Variants in PROS1 observed in about 807,000 individuals in gnomAD.
PROS1 encodes the protein protein S.
Under a neutral mutation model 75.9 loss-of-function variants are expected in PROS1, and 29 were observed. The ratio of observed to expected loss-of-function variants is 0.38; its 90% CI spans 0.28 to 0.52. The LOEUF (loss-of-function observed/expected upper bound fraction) is 0.52, where lower values mean the gene tolerates loss of function less well. PROS1 is among the 20% of genes least tolerant of loss of function. PROS1 has a pLI of 0.83. For missense variants in PROS1, 680 were observed against 810.3 expected, an observed-to-expected ratio of 0.84 and a Z score of 1.95; for synonymous variants, 245 against 280.6, an observed-to-expected ratio of 0.87 and a Z score of 1.27.
At chr3:93,915,742 A>ATT (rs1262108551) in intron 3 of PROS1, among the ~76,000 whole-genome samples, 1 of 152,122 alleles carries the variant, frequency 6.6e-6, no homozygotes, top group Non-Finnish European at 1.5e-5. Flanking sequence ...ACACTTAAGT[A>ATT]ATCTCTAAGA....
intron 6 of PROS1, among the ~76,000 whole-genome samples, chr3:93,903,474 G>A (rs1708627935): frequency 6.6e-6 from 1 of 152,012 alleles, no homozygotes; most frequent in Admixed American, 6.6e-5. Context: ...GACCAGCCTG[G>A]ACAGTATGAC....
intron 3 of PROS1, among the ~76,000 whole-genome samples, chr3:93,919,419 AT>A (rs62749160): frequency 7.1e-4 from 102 of 143,740 alleles, no homozygotes; most frequent in Middle Eastern, 7.5e-3. Context: ...AATTTTCCCT[AT>A]TTTTTTTTTT....
intron 6 of PROS1, among the ~76,000 whole-genome samples, chr3:93,903,755 A>G (rs1406832737): frequency 1.3e-5 from 2 of 152,206 alleles, no homozygotes; most frequent in Admixed American, 1.3e-4. Context: ...TTTGTTTACA[A>G]AATGCATATG....
chr3:93,880,642 T>C (rs546713742), intron 12 of PROS1, among the ~76,000 whole-genome samples: 31 of 152,332 alleles, frequency 2.0e-4, no homozygotes, highest in Non-Finnish European at 3.2e-4. Context: ...ATCAGGGTAA[T>C]TGGAATTTCT....
chr3:93,892,712 C>T (rs896115960), intron 10 of PROS1, among the ~76,000 whole-genome samples: 3 of 151,702 alleles, frequency 2.0e-5, no homozygotes, highest in Admixed American at 6.6e-5. Context: ...AAGTTAAAGA[C>T]AGAGTAGTTC....
At chr3:93,911,869 G>A (rs540129312) in intron 3 of PROS1, among the ~76,000 whole-genome samples, 1 of 152,240 alleles carries the variant, frequency 6.6e-6, no homozygotes, top group East Asian at 1.9e-4. Flanking sequence ...GGGTGTGGGT[G>A]GGGGATTTAT....
chr3:93,970,016 C>T (rs766789628), intron 1 of PROS1, among the ~76,000 whole-genome samples: 1 of 152,198 alleles, frequency 6.6e-6, no homozygotes, highest in Non-Finnish European at 1.5e-5. Flanking sequence ...TTGTTTCTAA[C>T]TCTTCCAGCA....
chr3:93,944,272 A>C (rs1709342656), intron 1 of PROS1, among the ~76,000 whole-genome samples: 1 of 152,214 alleles, frequency 6.6e-6, no homozygotes, highest in African/African-American at 2.4e-5. Context: ...ATGAAAACAC[A>C]ACGAAAAAAT....
intron 1 of PROS1, among the ~76,000 whole-genome samples, chr3:93,933,339 C>T (rs1709134045): frequency 6.6e-6 from 1 of 152,098 alleles, no homozygotes; most frequent in African/African-American, 2.4e-5. Flanking sequence ...CATTGGGAGG[C>T]TGAGGTGGGA....
At position 93,873,850 on chromosome 3, in the gene PROS1, C is replaced by A; in HGVS notation, c.*395G>T. On this transcript the variant is annotated 3_prime_UTR_variant, in exon 15 of 15. Transcript: ENST00000394236. ...AAAACATAAACAAAATAGTATCTGC[C>A]TATGATTAATAGTATTTAATTACAC... The A allele has an allele frequency of 4.6e-6, 1 of 218,838 alleles. No individual in the cohort carries two copies. Among genetic ancestry groups the A allele is most frequent in the East Asian group, 1.3e-4 (1 of 7,894 alleles). 13.6% of individuals were successfully genotyped at this position (218,838 alleles called of 1,614,324 possible). A position where few individuals can be genotyped will look rare whatever the true frequency, so the allele number is the denominator to read the frequency against.
At position 93,897,305 on chromosome 3, in the gene PROS1, C is replaced by T. The variant is rs867796570; in HGVS notation, c.850-614G>A. 1.1e-4 allele frequency among the ~76,000 whole-genome samples: 17 copies of T among 151,800 alleles called. No homozygotes were observed. In the Middle Eastern group the frequency reaches 0.014, roughly 121 times the overall value. Reference sequence around the variant, plus strand: ...TATGGTATCAAGTATTTTTTTTCTACGAGTGAAAACAAACATTAAAATGAA... The same window carrying T: ...TATGGTATCAAGTATTTTTTTTCTATGAGTGAAAACAAACATTAAAATGAA... On this transcript the variant is annotated intron_variant, in intron 8 of 14. Coordinates refer to ENST00000394236, the MANE Select transcript of PROS1 (RefSeq NM_000313.4).
intron 14 of PROS1, among the ~76,000 whole-genome samples, chr3:93,875,079 C>A (rs962582564): frequency 2.0e-5 from 3 of 151,956 alleles, no homozygotes; most frequent in African/African-American, 7.2e-5. Flanking sequence ...TTTAAATTTT[C>A]AACTTCTAAC....
chr3:93,929,845 T>C (rs1709078274), intron 1 of PROS1, among the ~76,000 whole-genome samples: 2 of 152,248 alleles, frequency 1.3e-5, no homozygotes, highest in African/African-American at 4.8e-5. Context: ...GTAACTTTTT[T>C]CCTGATCTTA....
intron 3 of PROS1, among the ~76,000 whole-genome samples, chr3:93,917,526 C>T (rs1274592424): frequency 6.6e-6 from 1 of 152,222 alleles, no homozygotes; most frequent in Non-Finnish European, 1.5e-5. Flanking sequence ...ACTTGAGGAG[C>T]CCTTCAGCCC....
chr3:93,906,223 C>T (rs1708673863), intron 4 of PROS1, 80 bp from the exon 5 acceptor site: 1 of 1,498,854 alleles, frequency 6.7e-7, no homozygotes, highest in Non-Finnish European at 9.1e-7. Flanking sequence ...AATAAAAATC[C>T]TGAAGCCTAG....
intron 1 of PROS1, among the ~76,000 whole-genome samples, chr3:93,948,908 A>C (rs1345893576): frequency 1.3e-5 from 2 of 152,156 alleles, no homozygotes; most frequent in African/African-American, 4.8e-5. Context: ...TCCTGATTTT[A>C]TGAAAATATC....
At position 93,873,968 on chromosome 3, in the gene PROS1, C is replaced by G; in HGVS notation, c.*277G>C. On this transcript the variant is annotated 3_prime_UTR_variant, in exon 15 of 15. Transcript: ENST00000394236. The stretch of plus-strand genomic sequence containing the variant: ...ATGATAAAATTAAAATTTAGTTTTA[C>G]AAACAAAAATTGAAACTGTCATTTG... 2.8e-6 allele frequency: 1 copy of G among 350,910 alleles called. No homozygotes were observed. Among genetic ancestry groups the G allele is most frequent in the African/African-American group, 2.1e-5 (1 of 47,742 alleles). The allele number at this position is 350,910 out of a possible 1,614,324, so 21.7% of individuals were successfully genotyped here. A position where few individuals can be genotyped will look rare whatever the true frequency, so the allele number is the denominator to read the frequency against.
chr3:93,910,926 T>C, intron 3 of PROS1: 1 of 531,750 alleles, frequency 1.9e-6, no homozygotes, highest in Non-Finnish European at 3.4e-6. Context: ...AATAAGTCTG[T>C]GACAGCTTCT....
chr3:93,886,338 G>A lies in PROS1; in HGVS notation c.1321C>T (p.Pro441Ser). 1.2e-6 allele frequency: 2 copies of A among 1,613,060 alleles called. No homozygotes were observed. The highest frequency in any genetic ancestry group is 1.1e-5 in the South Asian group (1 of 91,064). Residue 441 changes from proline (P) to serine (S), a missense_variant and splice_region_variant, in exon 11 of 15, where the codon CCG (proline) becomes TCG (serine). By Grantham distance (74) the Pro-to-Ser change is moderately conservative (BLOSUM62 -1). Coordinates refer to ENST00000394236, the MANE Select transcript of PROS1 (RefSeq NM_000313.4). The stretch of plus-strand genomic sequence containing the variant: ...ATGATACAAGCTTGGATCATTACCG[G>A]TTTAATGAGTTCACTTTCCACTTTC... ...PRKVESELIKPINPRLDGCIR... is the reference protein window; with the variant it reads ...PRKVESELIKSINPRLDGCIR...
Sources: allele counts gnomAD v4.1 joint callset (sites outside exome capture counted in the v4.1 genomes callset), GRCh38; gene constraint gnomAD v4.1.1; transcripts MANE v1.5; gene names NCBI Gene and HGNC (gene_info 2026-07-23, HGNC 2026-07-21).